DAB2IP: variants seen among roughly 807,000 people sequenced by gnomAD.
DAB2IP encodes DAB2 interacting protein.
Under a neutral mutation model 107.2 loss-of-function variants are expected in DAB2IP, and 28 were observed. The observed-to-expected ratio is 0.26, with a 90% confidence interval of 0.19 to 0.36. The LOEUF (loss-of-function observed/expected upper bound fraction) is 0.36, where lower values mean the gene tolerates loss of function less well. DAB2IP is among the 10% of genes least tolerant of loss of function. The probability of loss-of-function intolerance (pLI) is 1.00; values close to 1 mark genes in which losing one functional copy is unlikely to be tolerated. For missense variants in DAB2IP, 1,400 were observed against 1,644.7 expected, an observed-to-expected ratio of 0.85 and a Z score of 2.57; for synonymous variants, 755 against 706.4, an observed-to-expected ratio of 1.07 and a Z score of -1.09.
intron 1 of DAB2IP, among the ~76,000 whole-genome samples, chr9:121,641,992 C>CTCTCTCT (rs1346700067): frequency 3.8e-4 from 11 of 29,332 alleles, no homozygotes; most frequent in East Asian, 2.0e-3. Context: ...TTCTTTCTTT[C>CTCTCTCT]CTTTCTCTCT....
In DAB2IP at chr9:121,699,735, G is replaced by A. The variant is rs2118731928; in HGVS notation, c.362+277G>A. ...GGCCGGGCGCGAAGTCCCCTCGCAG[G>A]GAAGTCCTGCCTCGCCTGTCCGAGG... is the stretch of plus-strand genomic sequence containing the variant. On this transcript the variant is annotated intron_variant, in intron 3 of 15. Transcript: ENST00000408936. This position sits in a 1 kb window ranked among gnomAD's most constrained non-coding sequence, Gnocchi z 6.2. Among the ~76,000 whole-genome samples the A allele has an allele frequency of 6.6e-6, 1 of 152,322 alleles. No homozygotes were observed. The highest frequency in any genetic ancestry group is 6.5e-5 in the Admixed American group (1 of 15,308).
intron 3 of DAB2IP, among the ~76,000 whole-genome samples, chr9:121,704,546 T>G (rs1342146903): frequency 1.3e-5 from 2 of 152,170 alleles, no homozygotes; most frequent in Admixed American, 6.5e-5. Context: ...CTGTTTGGTC[T>G]TCCTCAGCTC....
At chr9:121,731,332 C>A (rs1220518449) in intron 3 of DAB2IP, among the ~76,000 whole-genome samples, 1 of 152,164 alleles carries the variant, frequency 6.6e-6, no homozygotes, top group Non-Finnish European at 1.5e-5. Flanking sequence ...TGATCTCTCT[C>A]CCTCTGGCAC....
intron 1 of DAB2IP, among the ~76,000 whole-genome samples, chr9:121,654,437 TG>T (rs1311250971): frequency 6.7e-6 from 1 of 149,858 alleles, no homozygotes; most frequent in Admixed American, 6.6e-5. Context: ...ATATTGTTTT[TG>T]TTTGTTTGTT....
chr9:121,783,832 A>C, exon 16 of DAB2IP: 1 of 508,786 alleles, frequency 2.0e-6, no homozygotes, highest in Non-Finnish European at 3.5e-6. Context: ...CCCCACTTTC[A>C]AGACAGATGA....
rs1829644632 is a variant in DAB2IP, at chr9:121,699,465, C to G, written c.362+7C>G. 7.6e-7 allele frequency: 1 copy of G among 1,311,318 alleles called. No individual in the cohort carries two copies. The highest frequency in any genetic ancestry group is 1.9e-5 in the South Asian group (1 of 52,538). The allele number at this position is 1,311,318 out of a possible 1,614,324, so 81.2% of individuals were successfully genotyped here. A position where few individuals can be genotyped will look rare whatever the true frequency, so the allele number is the denominator to read the frequency against. On this transcript the variant is annotated splice_region_variant and intron_variant, in intron 3 of 15. Transcript: ENST00000408936. The surrounding 1 kb of genome is among the most constrained non-coding windows in gnomAD (Gnocchi z 6.2). ...CCGCCGCGGACAATGAGAGGTGAGC[C>G]CGCCGCCGCCGCCCGGTCCCCCGCG...
At chr9:121,612,279 A>C (rs1351948749) in intron 1 of DAB2IP, among the ~76,000 whole-genome samples, 1 of 152,006 alleles carries the variant, frequency 6.6e-6, no homozygotes, top group Admixed American at 6.6e-5. Context: ...CGGAGCCGTG[A>C]TCGTACCACT....
In DAB2IP at chr9:121,782,318, C is replaced by T; in HGVS notation, c.3403-13C>T. 1 of 1,612,584 alleles carries T rather than the reference C, an allele frequency of 6.2e-7. No individual in the cohort carries two copies. The highest frequency in any genetic ancestry group is 1.3e-5 in the African/African-American group (1 of 75,026). Reference sequence around the variant, plus strand: ...TGTCCCATGACCCCCGCTCACATCCCCATTGTCCACAGGAGAAGCGCATTG... The same window carrying T: ...TGTCCCATGACCCCCGCTCACATCCTCATTGTCCACAGGAGAAGCGCATTG... On this transcript the variant is annotated splice_polypyrimidine_tract_variant and intron_variant, in intron 15 of 15. Transcript: ENST00000408936. The surrounding 1 kb of genome is among the most constrained non-coding windows in gnomAD (Gnocchi z 6.1).
At chr9:121,756,389 C>T (rs780775954) in intron 3 of DAB2IP, among the ~76,000 whole-genome samples, 7 of 152,182 alleles carry the variant, frequency 4.6e-5, no homozygotes, top group East Asian at 1.9e-4. Flanking sequence ...ATGGGGACCC[C>T]GATGGAGTGT....
At chr9:121,646,467 C>T (rs936318890) in intron 1 of DAB2IP, among the ~76,000 whole-genome samples, 5 of 151,886 alleles carry the variant, frequency 3.3e-5, no homozygotes, top group Admixed American at 2.6e-4. Flanking sequence ...GAGGCCATGA[C>T]CTTAACCACA....
At chr9:121,740,798 C>T (rs1832281718) in intron 3 of DAB2IP, among the ~76,000 whole-genome samples, 1 of 152,170 alleles carries the variant, frequency 6.6e-6, no homozygotes, top group East Asian at 1.9e-4. Flanking sequence ...AAATGCTTTT[C>T]CTGGTTAACC....
chr9:121,781,500 C>T (rs376673781), exon 15 of DAB2IP: 4 of 1,614,034 alleles, frequency 2.5e-6, no homozygotes, highest in Non-Finnish European at 3.4e-6. Flanking sequence ...AGAAGGACCA[C>T]GCAGAGATGC....
chr9:121,709,354 G>T (rs1293480752), intron 3 of DAB2IP, among the ~76,000 whole-genome samples: 2 of 152,150 alleles, frequency 1.3e-5, no homozygotes, highest in African/African-American at 4.8e-5. Flanking sequence ...TTCTGATGCT[G>T]TGATAGCCCC....
intron 5 of DAB2IP, 96 bp downstream of exon 5, chr9:121,759,092 T>C: frequency 3.1e-6 from 4 of 1,291,658 alleles, no homozygotes; most frequent in South Asian, 1.3e-5. Context: ...TGGGCTGGGA[T>C]TGGGGGTGGT....
At chr9:121,601,960 A>G (rs1242570140) in intron 1 of DAB2IP, among the ~76,000 whole-genome samples, 2 of 151,752 alleles carry the variant, frequency 1.3e-5, no homozygotes, top group South Asian at 4.2e-4. Flanking sequence ...TTTTATCACA[A>G]GCACCTAGAG....
At chr9:121,618,106 G>A (rs1831343373) in intron 1 of DAB2IP, among the ~76,000 whole-genome samples, 1 of 152,272 alleles carries the variant, frequency 6.6e-6, no homozygotes, top group South Asian at 2.1e-4. Context: ...GAGTGAAAGG[G>A]ATTTTATGGG....
At chr9:121,742,163 C>T (rs1238400963) in intron 3 of DAB2IP, among the ~76,000 whole-genome samples, 2 of 152,166 alleles carry the variant, frequency 1.3e-5, no homozygotes, top group Admixed American at 1.3e-4. Flanking sequence ...CACGGTGGCT[C>T]ATGCCTATAA....
intron 3 of DAB2IP, chr9:121,737,196 C>G (rs934446156): frequency 6.4e-6 from 6 of 938,328 alleles, no homozygotes. Context: ...GGCCTGCACC[C>G]TGCCCAGAGG....
intron 12 of DAB2IP, among the ~76,000 whole-genome samples, chr9:121,773,864 G>A (rs186222417): frequency 6.6e-6 from 1 of 152,314 alleles, no homozygotes; most frequent in African/African-American, 2.4e-5. Context: ...CAGGCCTTCA[G>A]GCACAACCAC....
Sources: gnomAD v4.1 joint callset for allele counts (sites outside exome capture counted in the v4.1 genomes callset) on GRCh38, gnomAD v4.1.1 for gene constraint, Gnocchi (gnomAD v3.1) non-coding constraint, MANE v1.5 for transcripts, NCBI Gene and HGNC (gene_info 2026-07-23, HGNC 2026-07-21) for gene names.